The following SLC25A16 variants were observed in gnomAD, a reference collection of about 807,000 sequenced individuals.
SLC25A16 encodes the protein solute carrier family 25 member 16.
SLC25A16 carries 39 observed loss-of-function variants against 41.5 expected under a neutral mutation model. That is an observed-to-expected ratio of 0.94 (90% confidence interval 0.73 to 1.23). The LOEUF is 1.23. Among genes scored for constraint, SLC25A16 ranks in the 50% most tolerant of loss-of-function variants. The probability of loss-of-function intolerance (pLI) is 0.00; values close to 1 mark genes in which losing one functional copy is unlikely to be tolerated. For missense variants in SLC25A16, 421 were observed against 426.9 expected, an observed-to-expected ratio of 0.99 and a Z score of 0.12; for synonymous variants, 146 against 147.8, an observed-to-expected ratio of 0.99 and a Z score of 0.09.
rs59336332 is a variant in SLC25A16, at chr10:68,508,403, TAAAAAAA to T, written c.224-1692_224-1686del. On this transcript the variant is annotated intron_variant, in intron 2 of 8. Coordinates refer to ENST00000609923, the MANE Select transcript of SLC25A16 (RefSeq NM_152707.4). Reference sequence around the variant, plus strand: ...TGGATAGGAGAGTAACAGGAAGCTTTAAAAAAAAAAAAAAAAAAAAGAATTCTAGGCC... The same window carrying T: ...TGGATAGGAGAGTAACAGGAAGCTTTAAAAAAAAAAAAAGAATTCTAGGCC... Among the ~76,000 whole-genome samples the T allele has an allele frequency of 3.2e-5, 4 of 126,140 alleles. No individual in the cohort carries two copies. The South Asian group carries it at 7.7e-4, about 24-fold the overall frequency. The allele number at this position is 126,140 out of a possible 152,430, so 82.8% of individuals were successfully genotyped here. A position where few individuals can be genotyped will look rare whatever the true frequency, so the allele number is the denominator to read the frequency against.
intron 8 of SLC25A16, among the ~76,000 whole-genome samples, chr10:68,484,642 G>T (rs952242819): frequency 3.3e-5 from 5 of 151,568 alleles, no homozygotes; most frequent in African/African-American, 9.7e-5. Flanking sequence ...TAGAGCCAAG[G>T]TCTTACAATG....
chr10:68,494,681 A>G (rs567717840), intron 4 of SLC25A16, among the ~76,000 whole-genome samples: 1 of 142,576 alleles, frequency 7.0e-6, no homozygotes, highest in Non-Finnish European at 1.6e-5. Context: ...GTTCGAGACC[A>G]GCCTGGCCAA....
intron 4 of SLC25A16, chr10:68,503,323 T>C (rs1212789873): frequency 9.4e-6 from 2 of 213,456 alleles, no homozygotes; most frequent in Non-Finnish European, 1.8e-5. Context: ...ATGCAAGCTT[T>C]TCACATAGTT....
At chr10:68,488,709 C>G (rs2052606637) in intron 6 of SLC25A16, 80 bp from the exon 7 acceptor site, 2 of 1,137,366 alleles carry the variant, frequency 1.8e-6, no homozygotes, top group South Asian at 2.9e-5. Context: ...AAATAATAAA[C>G]ACATTTCCTA....
Position 68,523,639 on chromosome 10 carries a change from G to GT in SLC25A16, c.130+3606dup, listed in dbSNP as rs536905677. Among the ~76,000 whole-genome samples the GT allele has an allele frequency of 5.4e-4, 82 of 152,024 alleles. 1 individual carries two copies. The highest frequency in any genetic ancestry group is 1.9e-3 in the African/African-American group (78 of 41,490). Reference sequence around the variant, plus strand: ...AGGTGCGTGCCACCAAGCCTGGCTAGTTTTTTTGTATTTTTAGTAGAGATG... The same window carrying GT: ...AGGTGCGTGCCACCAAGCCTGGCTAGTTTTTTTTGTATTTTTAGTAGAGATG... On this transcript the variant is annotated intron_variant, in intron 1 of 8. Coordinates refer to ENST00000609923, the MANE Select transcript of SLC25A16 (RefSeq NM_152707.4).
rs958627482 is a variant in SLC25A16, at chr10:68,487,274, AATACAAAGCCCT to A, written c.774-74_774-63del. ...TTGGTTTTCTACTCAACAACTATTG[AATACAAAGCCCT>A]ATAAATTCAAAGAAATAACGTGTTA... On this transcript the variant is annotated intron_variant, in intron 7 of 8. Coordinates refer to ENST00000609923, the MANE Select transcript of SLC25A16 (RefSeq NM_152707.4). The A allele has an allele frequency of 6.2e-6, 7 of 1,133,456 alleles. No individual in the cohort carries two copies. The African/African-American group carries it at 7.7e-5, about 12-fold the overall frequency. The allele number at this position is 1,133,456 out of a possible 1,614,324, so 70.2% of individuals were successfully genotyped here. A position where few individuals can be genotyped will look rare whatever the true frequency, so the allele number is the denominator to read the frequency against.
Position 68,490,602 on chromosome 10 carries a change from A to C in SLC25A16, c.611-1973T>G, listed in dbSNP as rs559489302. On this transcript the variant is annotated intron_variant, in intron 6 of 8. Transcript: ENST00000609923. ...ATGATCCACTCCCCCTCGGCCTCCC[A>C]AACTGCTGGGATTACAGGTGTGAGC... 2.6e-5 allele frequency among the ~76,000 whole-genome samples: 4 copies of C among 152,070 alleles called. No homozygotes were observed. The East Asian group carries it at 7.8e-4, about 29-fold the overall frequency.
Position 68,527,489 on chromosome 10 carries a change from A to C in SLC25A16, c.-114T>G. The stretch of plus-strand genomic sequence containing the variant: ...GACCGCCCCGCCGGCGGGGCAAAGT[A>C]ACACCCGGCGGCGCGGCGCCGGCTG... On this transcript the variant is annotated 5_prime_UTR_variant, in exon 1 of 9. Coordinates refer to ENST00000609923, the MANE Select transcript of SLC25A16 (RefSeq NM_152707.4). The C allele has an allele frequency of 2.1e-5, 22 of 1,025,924 alleles. No individual in the cohort carries two copies. Among genetic ancestry groups the C allele is most frequent in the South Asian group, 3.6e-5 (2 of 55,864 alleles). The allele number at this position is 1,025,924 out of a possible 1,614,324, so 63.6% of individuals were successfully genotyped here.
rs564571656 is a variant in SLC25A16 at position 68,494,454 on chromosome 10, C to A, written c.422-884G>T. On this transcript the variant is annotated intron_variant, in intron 4 of 8. Transcript: ENST00000609923. ...TCCGGCCTGGCAACAGAGTGAGATTCCAGGAAAGAAAAGAAAAGGAGGGGA... is the reference window on the plus strand; with the variant it reads ...TCCGGCCTGGCAACAGAGTGAGATTACAGGAAAGAAAAGAAAAGGAGGGGA... 3.2e-3 allele frequency among the ~76,000 whole-genome samples: 389 copies of A among 122,988 alleles called. 3 individuals are homozygous for A. Among genetic ancestry groups the A allele is most frequent in the African/African-American group, 0.012 (374 of 32,066 alleles). The allele number at this position is 122,988 out of a possible 152,430, so 80.7% of individuals were successfully genotyped here. A position where few individuals can be genotyped will look rare whatever the true frequency, so the allele number is the denominator to read the frequency against.
At position 68,522,153 on chromosome 10, in the gene SLC25A16, ACT is replaced by A. The variant is rs886069295; in HGVS notation, c.130+5091_130+5092del. Among the ~76,000 whole-genome samples, 397 of 150,590 alleles carry A rather than the reference ACT, an allele frequency of 2.6e-3. 4 individuals are homozygous for A. The highest frequency in any genetic ancestry group is 9.1e-3 in the African/African-American group (374 of 41,038). On this transcript the variant is annotated intron_variant, in intron 1 of 8. Coordinates refer to ENST00000609923, the MANE Select transcript of SLC25A16 (RefSeq NM_152707.4). ...ACTCCAGCCTGGACAACAGAGAGAGACTCTGTCTCAAAAAAAAAAAAGAAAAA... is the reference window on the plus strand; with the variant it reads ...ACTCCAGCCTGGACAACAGAGAGAGACTGTCTCAAAAAAAAAAAAGAAAAA...
chr10:68,491,161 G>A (rs984923069), intron 6 of SLC25A16, among the ~76,000 whole-genome samples: 1 of 151,946 alleles, frequency 6.6e-6, no homozygotes. Flanking sequence ...TTATAGGTGT[G>A]AGCCACCATG....
Position 68,479,106 on chromosome 10 carries a change from T to C in SLC25A16, c.*4326A>G, listed in dbSNP as rs1056532854. On this transcript the variant is annotated 3_prime_UTR_variant, in exon 9 of 9. Coordinates refer to ENST00000609923, the MANE Select transcript of SLC25A16 (RefSeq NM_152707.4). Reference sequence around the variant, plus strand: ...ATGCTGGCAAATCAGCAATAAGACATTTCTGCGAAGCAAACCAAATGACTT... The same window carrying C: ...ATGCTGGCAAATCAGCAATAAGACACTTCTGCGAAGCAAACCAAATGACTT... 2.6e-5 allele frequency: 4 copies of C among 152,224 alleles called. No individual in the cohort carries two copies. Among genetic ancestry groups the C allele is most frequent in the Non-Finnish European group, 2.9e-5 (2 of 68,044 alleles). The allele number at this position is 152,224 out of a possible 1,614,324, so 9.4% of individuals were successfully genotyped here.
At chr10:68,503,475 C>T (rs902969198) in intron 4 of SLC25A16, among the ~76,000 whole-genome samples, 157 bp downstream of exon 4, 1 of 152,096 alleles carries the variant, frequency 6.6e-6, no homozygotes, top group Non-Finnish European at 1.5e-5. Context: ...TATTTTAATA[C>T]ATACCTTTTT....
intron 3 of SLC25A16, among the ~76,000 whole-genome samples, chr10:68,504,166 G>A (rs2052909174): frequency 6.6e-6 from 1 of 151,208 alleles, no homozygotes; most frequent in Non-Finnish European, 1.5e-5. Flanking sequence ...ACAGCCGTGT[G>A]CCATTACGCC....
intron 1 of SLC25A16, among the ~76,000 whole-genome samples, chr10:68,522,144 CAG>C (rs565551314): frequency 6.8e-6 from 1 of 146,774 alleles, no homozygotes; most frequent in Non-Finnish European, 1.5e-5. Context: ...GCCTGGACAA[CAG>C]AGAGAGACTC....
At chr10:68,521,913 C>G (rs1415629217) in intron 1 of SLC25A16, among the ~76,000 whole-genome samples, 1 of 151,562 alleles carries the variant, frequency 6.6e-6, no homozygotes, top group African/African-American at 2.4e-5. Context: ...GTAATCTTAA[C>G]ACTTTGGGAT....
intron 4 of SLC25A16, among the ~76,000 whole-genome samples, chr10:68,494,494 A>C: frequency 1.9e-5 from 1 of 53,228 alleles, no homozygotes. Context: ...AGGGAAGGGG[A>C]GGAGGGAGGG....
intron 1 of SLC25A16, among the ~76,000 whole-genome samples, chr10:68,524,854 C>G (rs1450282534): frequency 6.6e-6 from 1 of 150,738 alleles, no homozygotes; most frequent in Admixed American, 6.7e-5. Context: ...TCCAGCCTGG[C>G]CGACAGAGTG....
In SLC25A16 at chr10:68,478,372, G is replaced by A. The variant is rs1022134954; in HGVS notation, c.*5060C>T. The A allele has an allele frequency of 1.3e-5, 2 of 152,174 alleles. No individual in the cohort carries two copies. The highest frequency in any genetic ancestry group is 4.8e-5 in the African/African-American group (2 of 41,436). The allele number at this position is 152,174 out of a possible 1,614,324, so 9.4% of individuals were successfully genotyped here. A position where few individuals can be genotyped will look rare whatever the true frequency, so the allele number is the denominator to read the frequency against. ...TTTCTAGTGCCCAATACTAGAATGTGTCTGGGTTTCAAAGAATAGATGCGA... is the reference window on the plus strand; with the variant it reads ...TTTCTAGTGCCCAATACTAGAATGTATCTGGGTTTCAAAGAATAGATGCGA... On this transcript the variant is annotated 3_prime_UTR_variant, in exon 9 of 9. Transcript: ENST00000609923.
Sources: gnomAD v4.1 joint callset for allele counts (sites outside exome capture counted in the v4.1 genomes callset) on GRCh38, gnomAD v4.1.1 for gene constraint, MANE v1.5 for transcripts, NCBI Gene and HGNC (gene_info 2026-07-23, HGNC 2026-07-21) for gene names.